SYN2: variants seen among roughly 807,000 people sequenced by gnomAD.
SYN2 encodes synapsin II, also known as synapsin-2.
In SYN2, 19 loss-of-function variants were observed where a neutral mutation model predicts 50.9. The ratio of observed to expected loss-of-function variants is 0.37; its 90% CI spans 0.26 to 0.55. The LOEUF (loss-of-function observed/expected upper bound fraction) is 0.55, where lower values mean the gene tolerates loss of function less well. Among genes scored for constraint, SYN2 ranks in the 20% least tolerant of loss-of-function variants. The pLI, the probability that SYN2 is intolerant of heterozygous loss-of-function variation, is 0.81. For synonymous variants in SYN2, 255 were observed against 224.9 expected (o/e 1.13, Z -1.20); for missense variants, 587 against 576.4 (o/e 1.02, Z -0.19).
chr3:12,059,900 C>T (rs138227235), intron 1 of SYN2, among the ~76,000 whole-genome samples: 23 of 152,266 alleles, frequency 1.5e-4, no homozygotes, highest in Non-Finnish European at 1.5e-5. Context: ...CAGCGGGTAT[C>T]AGCTCTGACA....
intron 1 of SYN2, among the ~76,000 whole-genome samples, chr3:12,125,244 C>T (rs1696645437): frequency 1.3e-5 from 2 of 152,102 alleles, no homozygotes; most frequent in South Asian, 4.1e-4. Context: ...TCGTGATCCA[C>T]CCACCTCAGG....
At chr3:12,168,342 C>A in intron 8 of SYN2, 34 bp from the exon 9 acceptor site, 1 of 1,582,488 alleles carries the variant, frequency 6.3e-7, no homozygotes, top group Non-Finnish European at 8.6e-7. Flanking sequence ...GAGCGAATTG[C>A]CCCAGCTTCA....
intron 1 of SYN2, among the ~76,000 whole-genome samples, chr3:12,072,989 AT>A (rs1695393830): frequency 6.6e-6 from 1 of 152,104 alleles, no homozygotes; most frequent in Non-Finnish European, 1.5e-5. Flanking sequence ...CTGTCAGATG[AT>A]CTAGTAGACT....
intron 1 of SYN2, among the ~76,000 whole-genome samples, chr3:12,038,876 CT>C (rs1049556215): frequency 6.6e-6 from 1 of 152,120 alleles, no homozygotes; most frequent in African/African-American, 2.4e-5. Flanking sequence ...TTTACTTCTT[CT>C]TTTCCAATTC....
chr3:12,038,276 C>T (rs570772343), intron 1 of SYN2, among the ~76,000 whole-genome samples: 1 of 152,224 alleles, frequency 6.6e-6, no homozygotes, highest in South Asian at 2.1e-4. Flanking sequence ...TGCAATGATG[C>T]ATTATTTGTT....
At chr3:12,092,838 G>C (rs1695858271) in intron 1 of SYN2, among the ~76,000 whole-genome samples, 1 of 152,162 alleles carries the variant, frequency 6.6e-6, no homozygotes, top group Admixed American at 6.5e-5. Context: ...AGAGTTTGAG[G>C]TGACTTTGGA....
chr3:12,041,695 A>G (rs1005801909), intron 1 of SYN2, among the ~76,000 whole-genome samples: 6 of 152,148 alleles, frequency 3.9e-5, no homozygotes, highest in African/African-American at 1.4e-4. Flanking sequence ...GCTTTTTTCC[A>G]TAAAGCCCTG....
rs911354163 is a variant in SYN2, at chr3:12,191,970, C to T, written c.*1345C>T. 9.9e-5 allele frequency among the ~76,000 whole-genome samples: 15 copies of T among 152,136 alleles called. No homozygotes were observed. The highest frequency in any genetic ancestry group is 2.9e-4 in the African/African-American group (12 of 41,418). On this transcript the variant is annotated 3_prime_UTR_variant, in exon 13 of 13. Coordinates refer to ENST00000621198, the MANE Select transcript of SYN2 (RefSeq NM_133625.6). Reference sequence around the variant, plus strand: ...CTCAAGTATATTTTCCCAAAGACCACGGATGCTGTGAAGATAAACACTACA... The same window carrying T: ...CTCAAGTATATTTTCCCAAAGACCATGGATGCTGTGAAGATAAACACTACA...
intron 4 of SYN2, among the ~76,000 whole-genome samples, chr3:12,148,285 C>G (rs1206601087): frequency 6.6e-6 from 1 of 152,148 alleles, no homozygotes; most frequent in African/African-American, 2.4e-5. Flanking sequence ...GCCTTGGGCC[C>G]TGCATGAGGA....
intron 1 of SYN2, among the ~76,000 whole-genome samples, chr3:12,066,535 T>C (rs1208542851): frequency 1.3e-5 from 2 of 152,194 alleles, no homozygotes; most frequent in Non-Finnish European, 2.9e-5. Flanking sequence ...AAAATCTGGC[T>C]GGCTTTTATG....
At chr3:12,166,588 C>T (rs956814287) in intron 7 of SYN2, among the ~76,000 whole-genome samples, 6 of 152,196 alleles carry the variant, frequency 3.9e-5, no homozygotes, top group Non-Finnish European at 8.8e-5. Flanking sequence ...TTGATGCCAT[C>T]GGCTCCATTT....
At position 12,099,632 on chromosome 3, in the gene SYN2, T is replaced by TA. The variant is rs1049372665; in HGVS notation, c.378-41010dup. On this transcript the variant is annotated intron_variant, in intron 1 of 12. Transcript: ENST00000621198. ...AAATTAATAACCTAACTCTCCATCT[T>TA]AAAAAAAAATAAGAGAAAACTAAAT... Among the ~76,000 whole-genome samples, 9 of 150,532 alleles carry TA rather than the reference T, an allele frequency of 6.0e-5. No individual in the cohort carries two copies. The East Asian group carries it at 7.8e-4, about 13-fold the overall frequency.
intron 1 of SYN2, among the ~76,000 whole-genome samples, chr3:12,037,047 C>T (rs965314456): frequency 7.9e-5 from 12 of 152,186 alleles, no homozygotes; most frequent in South Asian, 2.1e-4. Flanking sequence ...AACTGTGTAA[C>T]GAGAATAGAC....
At chr3:12,064,920 C>G (rs1236322425) in intron 1 of SYN2, among the ~76,000 whole-genome samples, 1 of 152,120 alleles carries the variant, frequency 6.6e-6, no homozygotes, top group Non-Finnish European at 1.5e-5. Flanking sequence ...AACTTGTACA[C>G]AGATGTTCAT....
At chr3:12,140,772 T>G (rs1697000507) in intron 2 of SYN2, 64 bp downstream of exon 2, 3 of 722,844 alleles carry the variant, frequency 4.2e-6, no homozygotes, top group Non-Finnish European at 7.8e-6. Context: ...CATGCCAGAG[T>G]GAACCATCTC....
intron 1 of SYN2, chr3:12,070,947 G>GA (rs1442630781): frequency 1.8e-6 from 1 of 550,926 alleles, no homozygotes; most frequent in African/African-American, 1.9e-5. Context: ...CCTCTCTGGA[G>GA]AAGAGCTAGG....
chr3:12,083,922 T>A (rs1334558741), intron 1 of SYN2, among the ~76,000 whole-genome samples: 1 of 152,186 alleles, frequency 6.6e-6, no homozygotes. Context: ...AGAGAAATCC[T>A]TAGAGACCAT....
At chr3:12,026,482 G>A (rs1437698721) in intron 1 of SYN2, among the ~76,000 whole-genome samples, 1 of 152,076 alleles carries the variant, frequency 6.6e-6, no homozygotes, top group Non-Finnish European at 1.5e-5. Flanking sequence ...TAATTAATTT[G>A]CCTAGAATAG....
intron 1 of SYN2, among the ~76,000 whole-genome samples, chr3:12,069,244 CTTTT>C (rs57716121): frequency 1.6e-5 from 2 of 128,264 alleles, no homozygotes; most frequent in Admixed American, 7.7e-5. Flanking sequence ...ATTGTATGAC[CTTTT>C]TTTTTTTTTT....
Sources: allele counts gnomAD v4.1 joint callset (sites outside exome capture counted in the v4.1 genomes callset), GRCh38; gene constraint gnomAD v4.1.1; transcripts MANE v1.5; gene names NCBI Gene and HGNC (gene_info 2026-07-23, HGNC 2026-07-21).